ACTN1: variants seen among roughly 807,000 people sequenced by gnomAD.
ACTN1 encodes alpha-actinin-1.
A neutral mutation model predicts 119.6 loss-of-function variants in ACTN1; 30 were observed. The ratio of observed to expected loss-of-function variants is 0.25; its 90% CI spans 0.19 to 0.34. ACTN1 has a LOEUF of 0.34. Among genes scored for constraint, ACTN1 ranks in the 10% least tolerant of loss-of-function variants. The pLI, the probability that ACTN1 is intolerant of heterozygous loss-of-function variation, is 1.00. For missense variants in ACTN1, 764 were observed against 1,223.4 expected (o/e 0.62, Z 5.60); for synonymous variants, 429 against 472.6 (o/e 0.91, Z 1.20).
At chr14:68,971,101 A>T (rs2036870419) in intron 1 of ACTN1, among the ~76,000 whole-genome samples, 1 of 152,124 alleles carries the variant, frequency 6.6e-6, no homozygotes. Context: ...AATAGCAAAG[A>T]GTGTGTCTGT....
chr14:68,892,125 G>C lies in ACTN1; in HGVS notation c.1014C>G (p.Phe338Leu), dbSNP rs1288430838. The C allele has an allele frequency of 6.2e-7, 1 of 1,614,028 alleles. No homozygotes were observed. The highest frequency in any genetic ancestry group is 1.1e-5 in the South Asian group (1 of 91,076). Residue 338 changes from phenylalanine (F) to leucine (L), a missense_variant, in exon 10 of 22, where the codon TTC (phenylalanine) becomes TTG (leucine). By Grantham distance (22) the Phe-to-Leu change is conservative. Transcript: ENST00000394419. Reference protein sequence around the residue: ...VQEKCQLEINFNTLQTKLRLS... With the variant: ...VQEKCQLEINLNTLQTKLRLS... ...GCCGCAGCTTGGTCTGCAGCGTGTTGAAGTTGATCTCCAGCTGGCACTTCT... is the reference window on the plus strand; with the variant it reads ...GCCGCAGCTTGGTCTGCAGCGTGTTCAAGTTGATCTCCAGCTGGCACTTCT...
At chr14:68,977,967 G>T (rs1447812696) in intron 1 of ACTN1, 1 of 455,988 alleles carries the variant, frequency 2.2e-6, no homozygotes, top group Non-Finnish European at 4.4e-6. Flanking sequence ...GCAGGAAGCA[G>T]CGGTAGGGTT....
At chr14:68,972,220 G>C (rs918770569) in intron 1 of ACTN1, among the ~76,000 whole-genome samples, 10 of 152,140 alleles carry the variant, frequency 6.6e-5, no homozygotes, top group South Asian at 4.1e-4. Flanking sequence ...TTCCTGGTCA[G>C]TTTCCAAGGA....
chr14:68,891,732 G>C (rs1302003035), intron 10 of ACTN1, among the ~76,000 whole-genome samples: 1 of 152,182 alleles, frequency 6.6e-6, no homozygotes, highest in Non-Finnish European at 1.5e-5. Context: ...ATTATGCCCT[G>C]TTTGGTTCAG....
chr14:68,930,189 C>T (rs1171131004), intron 1 of ACTN1, among the ~76,000 whole-genome samples: 1 of 152,224 alleles, frequency 6.6e-6, no homozygotes, highest in Admixed American at 6.5e-5. Flanking sequence ...CCACAACAGG[C>T]CTCTTTGAGC....
At chr14:68,888,899 C>T (rs1261178933) in intron 11 of ACTN1, among the ~76,000 whole-genome samples, 4 of 152,204 alleles carry the variant, frequency 2.6e-5, no homozygotes, top group Non-Finnish European at 5.9e-5. Flanking sequence ...CGAAACTGGT[C>T]CCCGGTACCA....
At chr14:68,884,711 A>C in intron 13 of ACTN1, 64 bp downstream of exon 13, 1 of 1,360,446 alleles carries the variant, frequency 7.4e-7, no homozygotes, top group Non-Finnish European at 1.1e-6. Flanking sequence ...GAGAGTCAAG[A>C]AGCAGGAAGG....
rs185038702 is a variant in ACTN1, at chr14:68,923,368, G to A, written c.220+2190C>T. The stretch of plus-strand genomic sequence containing the variant: ...AGGGGGGTGGTGCGGGCAGGGCACA[G>A]TCCACTCAGATTAGGGGAGAGAGGA... On this transcript the variant is annotated intron_variant, in intron 2 of 21. Coordinates refer to ENST00000394419, the MANE Select transcript of ACTN1 (RefSeq NM_001130004.2). Among the ~76,000 whole-genome samples, 16 of 152,310 alleles carry A rather than the reference G, an allele frequency of 1.1e-4. No individual in the cohort carries two copies. The South Asian group carries it at 3.3e-3, about 32-fold the overall frequency.
At chr14:68,952,564 C>A (rs1280707380) in intron 1 of ACTN1, among the ~76,000 whole-genome samples, 1 of 152,214 alleles carries the variant, frequency 6.6e-6, no homozygotes, top group African/African-American at 2.4e-5. Context: ...TGTCCCTGTG[C>A]CGCAATGCCT....
rs1435606353 is a variant in ACTN1, at chr14:68,925,620, T to C, written c.158A>G (p.Glu53Gly). ...SHLRKAGTQI[E>G]NIEEDFRDGL... ...ATCCCGGAAGTCCTCTTCGATGTTC[T>C]CGATCTGTGTCCCCGCCTTCCGGAG... Residue 53 changes from glutamate (E) to glycine (G), a missense_variant, in exon 2 of 22, where the codon GAG becomes GGG. Transcript: ENST00000394419. The surrounding 1 kb of genome is among the most constrained non-coding windows in gnomAD (Gnocchi z 4.3). The C allele has an allele frequency of 3.7e-6, 6 of 1,613,584 alleles. No homozygotes were observed. The highest frequency in any genetic ancestry group is 5.1e-6 in the Non-Finnish European group (6 of 1,179,750).
intron 1 of ACTN1, among the ~76,000 whole-genome samples, chr14:68,956,004 G>A (rs1275708377): frequency 2.6e-5 from 4 of 152,270 alleles, no homozygotes; most frequent in African/African-American, 9.6e-5. Context: ...GTAAATAAGA[G>A]TGAAGCAGCT....
At chr14:68,962,381 T>C (rs916307888) in intron 1 of ACTN1, among the ~76,000 whole-genome samples, 4 of 152,036 alleles carry the variant, frequency 2.6e-5, no homozygotes, top group Non-Finnish European at 4.4e-5. Context: ...GCAGTGATGG[T>C]TCCCATGGCA....
rs2037184082 is a variant in ACTN1, at chr14:68,979,289, T to C, written c.-233A>G. ...CCTCTGGGCGGGCGCTTGGACCTAA[T>C]CTCCACGCACACTGAACTAGGCGGA... is the stretch of plus-strand genomic sequence containing the variant. On this transcript the variant is annotated 5_prime_UTR_variant, in exon 1 of 22. Coordinates refer to ENST00000394419, the MANE Select transcript of ACTN1 (RefSeq NM_001130004.2). 1 of 267,806 alleles carries C rather than the reference T, an allele frequency of 3.7e-6. No individual in the cohort carries two copies. The highest frequency in any genetic ancestry group is 2.5e-5 in the African/African-American group (1 of 40,694). The allele number at this position is 267,806 out of a possible 1,614,324, so 16.6% of individuals were successfully genotyped here.
intron 1 of ACTN1, among the ~76,000 whole-genome samples, chr14:68,957,876 G>A (rs528173690): frequency 2.6e-5 from 4 of 152,272 alleles, no homozygotes; most frequent in East Asian, 1.9e-4. Flanking sequence ...AGTGAGAGAC[G>A]GCAGGTTTAG....
chr14:68,889,104 C>T (rs2032269423), intron 11 of ACTN1, among the ~76,000 whole-genome samples: 2 of 152,214 alleles, frequency 1.3e-5, no homozygotes, highest in Non-Finnish European at 1.5e-5. Flanking sequence ...GGAGGGGCCC[C>T]AGCAGATAGG....
In ACTN1 at chr14:68,879,271, C is replaced by T. The variant is rs984138344; in HGVS notation, c.2281-202G>A. Among the ~76,000 whole-genome samples the T allele has an allele frequency of 6.6e-6, 1 of 151,986 alleles. No homozygotes were observed. The highest frequency in any genetic ancestry group is 1.5e-5 in the Non-Finnish European group (1 of 67,954). Reference sequence around the variant, plus strand: ...AACGAGGCTCCAGGGGGTGCCCTCCCCCCAGCACACGCAGCCCTGCTCCAG... The same window carrying T: ...AACGAGGCTCCAGGGGGTGCCCTCCTCCCAGCACACGCAGCCCTGCTCCAG... On this transcript the variant is annotated intron_variant, in intron 18 of 21. Coordinates refer to ENST00000394419, the MANE Select transcript of ACTN1 (RefSeq NM_001130004.2). This position sits in a 1 kb window ranked among gnomAD's most constrained non-coding sequence, Gnocchi z 4.9.
intron 3 of ACTN1, among the ~76,000 whole-genome samples, chr14:68,913,321 T>C (rs1478011035): frequency 2.0e-5 from 3 of 152,236 alleles, no homozygotes; most frequent in African/African-American, 7.2e-5. Flanking sequence ...ACTCATCACC[T>C]GCTTCCAGAC....
At position 68,880,933 on chromosome 14, in the gene ACTN1, G is replaced by A; in HGVS notation, c.2010C>T (p.His670=). The A allele has an allele frequency of 6.2e-7, 1 of 1,614,122 alleles. No individual in the cohort carries two copies. Among genetic ancestry groups the A allele is most frequent in the Non-Finnish European group, 8.5e-7 (1 of 1,180,008 alleles). The change falls in exon 17 of 22, where the codon CAC becomes CAT. Residue 670 remains histidine, a synonymous_variant. Transcript: ENST00000394419. This position sits in a 1 kb window ranked among gnomAD's most constrained non-coding sequence, Gnocchi z 4.6. ...MHGTLEDQLS[H]LRQYEKSIVN... is the part of the protein sequence containing the mutation. ...CGATGCTCTTCTCATACTGCCGCAG[G>A]TGGCTGAGCTGGTCCTCCAGGGTCC...
At chr14:68,887,770 A>C (rs1229504009) in intron 11 of ACTN1, 1 of 1,148,554 alleles carries the variant, frequency 8.7e-7, no homozygotes, top group Non-Finnish European at 1.3e-6. Flanking sequence ...CACTGATAAG[A>C]CATGGTATAT....
Sources: gnomAD v4.1 joint callset for allele counts (sites outside exome capture counted in the v4.1 genomes callset) on GRCh38, gnomAD v4.1.1 for gene constraint, Gnocchi (gnomAD v3.1) non-coding constraint, MANE v1.5 for transcripts, NCBI Gene and HGNC (gene_info 2026-07-23, HGNC 2026-07-21) for gene names.